Variants in CHD7 observed in about 807,000 individuals in gnomAD.
CHD7 encodes ATP-dependent chromatin remodeler CHD7.
CHD7 carries 24 observed loss-of-function variants against 307.3 expected under a neutral mutation model. That is an observed-to-expected ratio of 0.08 (90% CI 0.06 to 0.11). The LOEUF (loss-of-function observed/expected upper bound fraction) is 0.11. Ranked by LOEUF, CHD7 falls within the 10% of genes least tolerant of loss-of-function variation. CHD7 has a pLI of 1.00. For synonymous variants in CHD7, 1,363 were observed against 1,349.9 expected (o/e 1.01, Z -0.21); for missense variants, 3,106 against 3,727.1 (o/e 0.83, Z 4.34).
chr8:60,817,782 A>C (rs1170081601), intron 8 of CHD7, among the ~76,000 whole-genome samples: 3 of 152,124 alleles, frequency 2.0e-5, no homozygotes, highest in Non-Finnish European at 4.4e-5. Context: ...ACCAGAGTTA[A>C]ATTTTTATGA....
intron 2 of CHD7, 44 bp downstream of exon 2, chr8:60,743,141 C>T (rs756510242): frequency 6.6e-7 from 1 of 1,515,514 alleles, no homozygotes; most frequent in Non-Finnish European, 9.1e-7. Flanking sequence ...GTGTGAAATT[C>T]AACATGGCTA....
intron 1 of CHD7, among the ~76,000 whole-genome samples, chr8:60,697,638 CAAAA>C (rs549359418): frequency 6.6e-6 from 1 of 150,962 alleles, no homozygotes; most frequent in Non-Finnish European, 1.5e-5. Context: ...ATTGAAATGC[CAAAA>C]AAAAGTCGTG....
At chr8:60,722,178 C>A (rs1295773099) in intron 1 of CHD7, among the ~76,000 whole-genome samples, 1 of 152,168 alleles carries the variant, frequency 6.6e-6, no homozygotes, top group Non-Finnish European at 1.5e-5. Context: ...CTCTTAAAAG[C>A]CAGGCAGTTT....
At chr8:60,836,751 TAA>T in intron 16 of CHD7, 64 bp from the exon 17 acceptor site, 1 of 1,176,310 alleles carries the variant, frequency 8.5e-7, no homozygotes, top group Non-Finnish European at 1.2e-6. Context: ...AATTAAAAAT[TAA>T]AAAAAGGAGC....
intron 3 of CHD7, among the ~76,000 whole-genome samples, chr8:60,791,507 A>G (rs960466828): frequency 6.6e-6 from 1 of 152,248 alleles, no homozygotes; most frequent in Non-Finnish European, 1.5e-5. Context: ...GACCTAGAAC[A>G]GTGGCCCTTT....
At chr8:60,824,133 G>C (rs966431969) in intron 13 of CHD7, 117 bp downstream of exon 13, 1 of 909,814 alleles carries the variant, frequency 1.1e-6, no homozygotes, top group Non-Finnish European at 1.7e-6. Context: ...GTCAAATATT[G>C]TGATATATTC....
At chr8:60,800,571 A>T in intron 5 of CHD7, 46 bp downstream of exon 5, 1 of 1,564,390 alleles carries the variant, frequency 6.4e-7, no homozygotes, top group Non-Finnish European at 8.7e-7. Flanking sequence ...TTAAAGATGG[A>T]CTAGAAATTT....
At chr8:60,812,658 A>G (rs1812867029) in intron 7 of CHD7, among the ~76,000 whole-genome samples, 1 of 132,842 alleles carries the variant, frequency 7.5e-6, no homozygotes, top group South Asian at 2.2e-4. Context: ...GTGAGACTAC[A>G]TCTCAAAAAA....
chr8:60,693,291 G>T (rs537399236), intron 1 of CHD7, among the ~76,000 whole-genome samples: 5 of 152,332 alleles, frequency 3.3e-5, no homozygotes, highest in African/African-American at 1.2e-4. Context: ...ATGTTAGGGG[G>T]ACCCTTTCCT....
At chr8:60,832,216 G>C (rs932607500) in intron 15 of CHD7, among the ~76,000 whole-genome samples, 2 of 152,044 alleles carry the variant, frequency 1.3e-5, no homozygotes, top group Admixed American at 1.3e-4. Context: ...GTAGAGACGG[G>C]GTTTCTCCAT....
At chr8:60,763,012 T>G (rs1270833431) in intron 2 of CHD7, among the ~76,000 whole-genome samples, 10 of 143,656 alleles carry the variant, frequency 7.0e-5, no homozygotes, top group South Asian at 2.3e-4. Flanking sequence ...CAGGGGGAGG[T>G]GGGAGAAGAT....
At chr8:60,778,121 G>T (rs1333097180) in intron 2 of CHD7, among the ~76,000 whole-genome samples, 1 of 151,950 alleles carries the variant, frequency 6.6e-6, no homozygotes, top group African/African-American at 2.4e-5. Flanking sequence ...GGACATGGCT[G>T]GGCCTGGGAG....
At chr8:60,837,527 A>C (rs1469356343) in intron 17 of CHD7, 141 bp from the exon 18 acceptor site, 4 of 669,614 alleles carry the variant, frequency 6.0e-6, no homozygotes, top group Non-Finnish European at 7.3e-6. Context: ...TGAGGACTCC[A>C]CCTTCATGAC....
chr8:60,794,543 G>A (rs768031138), intron 3 of CHD7, among the ~76,000 whole-genome samples: 1 of 152,070 alleles, frequency 6.6e-6, no homozygotes, highest in Non-Finnish European at 1.5e-5. Context: ...GTATAAAAGA[G>A]GATACCTTCT....
intron 15 of CHD7, among the ~76,000 whole-genome samples, chr8:60,831,435 A>C (rs914984124): frequency 1.3e-5 from 2 of 152,106 alleles, no homozygotes; most frequent in Non-Finnish European, 2.9e-5. Context: ...GAACTTTCCC[A>C]AAGTAAAAGG....
intron 23 of CHD7, among the ~76,000 whole-genome samples, 188 bp from the exon 24 acceptor site, chr8:60,848,327 G>C (rs985182103): frequency 6.6e-6 from 1 of 152,332 alleles, no homozygotes; most frequent in Non-Finnish European, 1.5e-5. Context: ...CAGGCCTGTT[G>C]GAAGCCAGCA....
chr8:60,775,531 C>T (rs1007298101), intron 2 of CHD7, among the ~76,000 whole-genome samples: 5 of 152,172 alleles, frequency 3.3e-5, no homozygotes, highest in Admixed American at 6.5e-5. Flanking sequence ...CACATGCTTA[C>T]GTACCCCTGT....
chr8:60,734,502 T>G (rs995367931), intron 1 of CHD7, among the ~76,000 whole-genome samples: 1 of 152,084 alleles, frequency 6.6e-6, no homozygotes, highest in Non-Finnish European at 1.5e-5. Flanking sequence ...GGCTTTGAAA[T>G]CAGCCTGAAG....
chr8:60,806,488 G>T (rs1203484428), intron 6 of CHD7, among the ~76,000 whole-genome samples: 2 of 152,188 alleles, frequency 1.3e-5, no homozygotes, highest in Non-Finnish European at 2.9e-5. Flanking sequence ...TTCCATTTAT[G>T]TTGCTGGTTC....
Sources: gnomAD v4.1 joint callset for allele counts (sites outside exome capture counted in the v4.1 genomes callset) on GRCh38, gnomAD v4.1.1 for gene constraint, MANE v1.5 for transcripts, NCBI Gene and HGNC (gene_info 2026-07-23, HGNC 2026-07-21) for gene names.